The following ADGRD1 variants were observed in gnomAD, a reference collection of about 807,000 sequenced individuals.
The protein encoded by ADGRD1 is adhesion G protein-coupled receptor D1.
In ADGRD1, 77 loss-of-function variants were observed where a neutral mutation model predicts 113.4. The ratio of observed to expected loss-of-function variants is 0.68; its 90% CI spans 0.57 to 0.82. ADGRD1 has a LOEUF of 0.82. Among genes scored for constraint, ADGRD1 ranks in the 40% least tolerant of loss-of-function variants. The pLI is 0.00. For missense variants in ADGRD1, 1,036 were observed against 1,139.1 expected (o/e 0.91, Z 1.30); for synonymous variants, 474 against 475.0 (o/e 1.00, Z 0.03).
intron 15 of ADGRD1, among the ~76,000 whole-genome samples, chr12:131,094,251 G>A (rs1224661385): frequency 2.6e-5 from 4 of 152,168 alleles, no homozygotes; most frequent in African/African-American, 7.2e-5. Context: ...GGATGTCCTG[G>A]CCCTGAGGAC....
At chr12:131,068,807 A>C (rs1884927245) in intron 13 of ADGRD1, among the ~76,000 whole-genome samples, 1 of 152,258 alleles carries the variant, frequency 6.6e-6, no homozygotes, top group East Asian at 1.9e-4. Flanking sequence ...AAAAAGAAAC[A>C]ACCTTTAAAT....
chr12:131,116,668 C>G (rs1291271261), intron 18 of ADGRD1, among the ~76,000 whole-genome samples: 3 of 152,224 alleles, frequency 2.0e-5, no homozygotes, highest in African/African-American at 2.4e-5. Context: ...CTTCCATCCC[C>G]CACCCTGCTA....
intron 14 of ADGRD1, among the ~76,000 whole-genome samples, chr12:131,081,514 C>T (rs1221296229): frequency 6.6e-6 from 1 of 152,182 alleles, no homozygotes; most frequent in Non-Finnish European, 1.5e-5. Flanking sequence ...TCATGCCTGC[C>T]TTCAAGTACT....
At chr12:131,023,468 C>CGT (rs59794195) in intron 13 of ADGRD1, 134,283 of 151,162 alleles carry the variant, frequency 0.89, 61,456 homozygotes, top group East Asian at 1. Context: ...CGGTCCCATT[C>CGT]GTGTGTGTGT....
intron 15 of ADGRD1, among the ~76,000 whole-genome samples, chr12:131,086,077 C>A (rs1287481740): frequency 6.6e-6 from 1 of 152,186 alleles, no homozygotes; most frequent in Non-Finnish European, 1.5e-5. Flanking sequence ...GGCTTGAACA[C>A]CCGTCCCTGC....
At chr12:131,064,323 A>T (rs1252408816) in intron 13 of ADGRD1, among the ~76,000 whole-genome samples, 1 of 152,200 alleles carries the variant, frequency 6.6e-6, no homozygotes, top group Non-Finnish European at 1.5e-5. Context: ...TATTTGAGGA[A>T]GTTTCCCTTT....
chr12:130,990,122 C>G (rs956004734), intron 6 of ADGRD1: 3 of 152,230 alleles, frequency 2.0e-5, no homozygotes, highest in Non-Finnish European at 4.4e-5. Context: ...GACATGACTC[C>G]TCTGTAACTC....
intron 13 of ADGRD1, among the ~76,000 whole-genome samples, chr12:131,020,147 G>A (rs1486959606): frequency 2.7e-5 from 1 of 37,324 alleles, no homozygotes; most frequent in African/African-American, 7.8e-5. Flanking sequence ...GGGGGTGCTC[G>A]AGGGAGATAT....
chr12:131,005,464 C>A (rs1007025170), intron 11 of ADGRD1, among the ~76,000 whole-genome samples: 1 of 152,232 alleles, frequency 6.6e-6, no homozygotes, highest in African/African-American at 2.4e-5. Context: ...CAGGTGAAGG[C>A]ATACAGACTT....
intron 13 of ADGRD1, among the ~76,000 whole-genome samples, chr12:131,020,126 C>T (rs1170269072): frequency 6.8e-6 from 1 of 146,846 alleles, no homozygotes; most frequent in African/African-American, 2.6e-5. Flanking sequence ...CCCTGAGCTC[C>T]GTCCAGGGCA....
chr12:130,982,626 G>A lies in ADGRD1; in HGVS notation c.490+563G>A, dbSNP rs146822231. 9.9e-3 allele frequency among the ~76,000 whole-genome samples: 1,501 copies of A among 152,286 alleles called. 16 individuals carry two copies. Among genetic ancestry groups the A allele is most frequent in the Non-Finnish European group, 0.014 (986 of 68,026 alleles). On this transcript the variant is annotated intron_variant, in intron 5 of 24. Coordinates refer to ENST00000261654, the MANE Select transcript of ADGRD1 (RefSeq NM_198827.5). Reference sequence around the variant, plus strand: ...TTTTGGAGAGAGAGGCTGAAGAATCGGGGAGCAGAGGAAGGGGCTAGGGGA... The same window carrying A: ...TTTTGGAGAGAGAGGCTGAAGAATCAGGGAGCAGAGGAAGGGGCTAGGGGA...
At chr12:131,122,241 G>A (rs1356858231) in intron 20 of ADGRD1, among the ~76,000 whole-genome samples, 1 of 152,144 alleles carries the variant, frequency 6.6e-6, no homozygotes. Context: ...AGGGATCTTT[G>A]TGCAAGCAGA....
rs1266047034 is a variant in ADGRD1 at position 131,041,806 on chromosome 12, C to T, written c.1473+27466C>T. The stretch of plus-strand genomic sequence containing the variant: ...GCCTGGGAAGCACATTCTCCCTCTT[C>T]TGGGGTCTTTGCCCACGTCACATTC... On this transcript the variant is annotated intron_variant, in intron 13 of 24. Transcript: ENST00000261654. This position sits in a 1 kb window ranked among gnomAD's most constrained non-coding sequence, Gnocchi z 4.4. Among the ~76,000 whole-genome samples, 1 of 152,230 alleles carries T rather than the reference C, an allele frequency of 6.6e-6. No homozygotes were observed. The highest frequency in any genetic ancestry group is 2.4e-5 in the African/African-American group (1 of 41,460).
Position 130,966,625 on chromosome 12 carries a change from TG to T in ADGRD1, c.187+81del. On this transcript the variant is annotated intron_variant, in intron 3 of 24. Coordinates refer to ENST00000261654, the MANE Select transcript of ADGRD1 (RefSeq NM_198827.5). The surrounding 1 kb of genome is among the most constrained non-coding windows in gnomAD (Gnocchi z 4.6). ...AGGAGGCGTGGGTGCTGAGAGTGGC[TG>T]GCCTTGAAATCCCAGGGCCATTGGG... is the stretch of plus-strand genomic sequence containing the variant. 2 of 907,954 alleles carry T rather than the reference TG, an allele frequency of 2.2e-6. No homozygotes were observed. Among genetic ancestry groups the T allele is most frequent in the Non-Finnish European group, 1.9e-6 (1 of 539,244 alleles). The allele number at this position is 907,954 out of a possible 1,614,324, so 56.2% of individuals were successfully genotyped here.
At chr12:131,066,845 G>A (rs747063724) in intron 13 of ADGRD1, among the ~76,000 whole-genome samples, 20 of 152,210 alleles carry the variant, frequency 1.3e-4, no homozygotes, top group Non-Finnish European at 2.8e-4. Flanking sequence ...CCAGGAGGCC[G>A]AGGGGCTGGA....
At position 131,044,914 on chromosome 12, in the gene ADGRD1, C is replaced by T. The variant is rs532277342; in HGVS notation, c.1473+30574C>T. Among the ~76,000 whole-genome samples, 4 of 152,370 alleles carry T rather than the reference C, an allele frequency of 2.6e-5. No homozygotes were observed. In the East Asian group the frequency reaches 5.8e-4, roughly 22 times the overall value. ...TCCACCGCGTGGCTGCGCCGCGGTT[C>T]GTGTGGCTGGTCCCTGCGGGGCCGC... On this transcript the variant is annotated intron_variant, in intron 13 of 24. Coordinates refer to ENST00000261654, the MANE Select transcript of ADGRD1 (RefSeq NM_198827.5).
chr12:131,054,689 C>T (rs112696762), intron 13 of ADGRD1, among the ~76,000 whole-genome samples: 13 of 152,210 alleles, frequency 8.5e-5, no homozygotes, highest in African/African-American at 2.9e-4. Flanking sequence ...AGGGGCCCTC[C>T]ACTCCATGCA....
At position 131,006,974 on chromosome 12, in the gene ADGRD1, A is replaced by G. The variant is rs1593344355; in HGVS notation, c.1331+927A>G. ...TGGGGAGATCTTTCCAAGATAGTGAATGAAAAGGTGACCCTTCCTTGGCCC... is the reference window on the plus strand; with the variant it reads ...TGGGGAGATCTTTCCAAGATAGTGAGTGAAAAGGTGACCCTTCCTTGGCCC... On this transcript the variant is annotated intron_variant, in intron 12 of 24. Coordinates refer to ENST00000261654, the MANE Select transcript of ADGRD1 (RefSeq NM_198827.5). Among the ~76,000 whole-genome samples, 6 of 152,324 alleles carry G rather than the reference A, an allele frequency of 3.9e-5. No individual in the cohort carries two copies. The Middle Eastern group carries it at 0.02, about 518-fold the overall frequency.
At chr12:131,131,207 G>A (rs189178148) in intron 20 of ADGRD1, among the ~76,000 whole-genome samples, 53 of 152,322 alleles carry the variant, frequency 3.5e-4, no homozygotes, top group African/African-American at 1.3e-3. Flanking sequence ...CAGTTTCCCA[G>A]CAAGGAGGGG....
Sources: allele counts gnomAD v4.1 joint callset (sites outside exome capture counted in the v4.1 genomes callset), GRCh38; gene constraint gnomAD v4.1.1; non-coding constraint Gnocchi (gnomAD v3.1); transcripts MANE v1.5; gene names NCBI Gene and HGNC (gene_info 2026-07-23, HGNC 2026-07-21).